The following SLC7A2 variants were observed in gnomAD, a reference collection of about 807,000 sequenced individuals.
SLC7A2 encodes cationic amino acid transporter 2.
In SLC7A2, 48 loss-of-function variants were observed where a neutral mutation model predicts 58.9. The ratio of observed to expected loss-of-function variants is 0.82; its 90% CI spans 0.65 to 1.04. The LOEUF (loss-of-function observed/expected upper bound fraction) is 1.04, where lower values mean the gene tolerates loss of function less well. Ranked by LOEUF, SLC7A2 falls within the 50% of genes least tolerant of loss-of-function variation. The pLI is 0.00. For synonymous variants in SLC7A2, 363 were observed against 314.5 expected, an observed-to-expected ratio of 1.15 and a Z score of -1.63; for missense variants, 1,029 against 818.8, an observed-to-expected ratio of 1.26 and a Z score of -3.13.
Position 17,569,126 on chromosome 8 carries a change from CAG to C in SLC7A2, c.*3981_*3982del, listed in dbSNP as rs911008060. 9 of 152,126 alleles carry C rather than the reference CAG, an allele frequency of 5.9e-5. No homozygotes were observed. The highest frequency in any genetic ancestry group is 2.1e-4 in the South Asian group (1 of 4,820). 9.4% of individuals were successfully genotyped at this position (152,126 alleles called of 1,614,324 possible). ...AGCCTTGCCTTCCCTCCTCTTAAAT[CAG>C]GGTGTGTTCCGAGATTACAGAACAT... On this transcript the variant is annotated 3_prime_UTR_variant, in exon 13 of 13. Transcript: ENST00000494857.
At chr8:17,510,934 G>A (rs768681579) in intron 2 of SLC7A2, 20 of 152,288 alleles carry the variant, frequency 1.3e-4, no homozygotes, top group African/African-American at 3.6e-4. Flanking sequence ...AAAGGAATGC[G>A]ATCATATCCT....
intron 7 of SLC7A2, 43 bp from the exon 8 acceptor site, chr8:17,554,517 G>C (rs886406116): frequency 1.3e-6 from 2 of 1,497,996 alleles, no homozygotes; most frequent in Non-Finnish European, 1.8e-6. Flanking sequence ...ATGTAATCTT[G>C]CATGAATGTT....
At chr8:17,557,017 G>A (rs1182734222) in intron 8 of SLC7A2, among the ~76,000 whole-genome samples, 2 of 152,092 alleles carry the variant, frequency 1.3e-5, no homozygotes, top group Non-Finnish European at 1.5e-5. Flanking sequence ...GGGTAGTCGT[G>A]GCCTTGCTAA....
At chr8:17,522,617 A>T (rs1388522547) in intron 2 of SLC7A2, among the ~76,000 whole-genome samples, 7 of 152,168 alleles carry the variant, frequency 4.6e-5, no homozygotes, top group Non-Finnish European at 1.0e-4. Context: ...TTAGCTGGGC[A>T]TCTACAAGAG....
chr8:17,547,785 AGTGTGT>A lies in SLC7A2; in HGVS notation c.533-860_533-855del, dbSNP rs35052068. Among the ~76,000 whole-genome samples, 1,167 of 144,794 alleles carry A rather than the reference AGTGTGT, an allele frequency of 8.1e-3. 11 individuals carry two copies. The highest frequency in any genetic ancestry group is 0.02 in the South Asian group (87 of 4,444). The allele number at this position is 144,794 out of a possible 152,430, so 95.0% of individuals were successfully genotyped here. A position where few individuals can be genotyped will look rare whatever the true frequency, so the allele number is the denominator to read the frequency against. On this transcript the variant is annotated intron_variant, in intron 4 of 12. Coordinates refer to ENST00000494857, the MANE Select transcript of SLC7A2 (RefSeq NM_001370338.1). Reference sequence around the variant, plus strand: ...GATTATATATTTACTGGCACAAAAGAGTGTGTGTGTGTGTGTGTGTGTGTGTGTGTG... The same window carrying A: ...GATTATATATTTACTGGCACAAAAGAGTGTGTGTGTGTGTGTGTGTGTGTG...
At chr8:17,513,165 A>G (rs768916974) in intron 2 of SLC7A2, among the ~76,000 whole-genome samples, 5 of 152,164 alleles carry the variant, frequency 3.3e-5, no homozygotes, top group Non-Finnish European at 7.3e-5. Flanking sequence ...TTTTTTGGTC[A>G]TATAACCAGT....
At chr8:17,496,890 G>T (rs183055781), upstream of SLC7A2, among the ~76,000 whole-genome samples, 2 of 151,940 alleles carry the variant, frequency 1.3e-5, no homozygotes, top group Non-Finnish European at 1.5e-5. Flanking sequence ...GCCCGCCCAC[G>T]TGTGCTCGGC....
chr8:17,544,241 A>C (rs1366359821), intron 3 of SLC7A2, among the ~76,000 whole-genome samples: 2 of 152,216 alleles, frequency 1.3e-5, no homozygotes, highest in Non-Finnish European at 1.5e-5. Flanking sequence ...TTAAGTTATA[A>C]TTCTTTATTG....
chr8:17,553,027 T>C (rs1211780050), intron 7 of SLC7A2, among the ~76,000 whole-genome samples: 3 of 152,186 alleles, frequency 2.0e-5, no homozygotes, highest in Non-Finnish European at 2.9e-5. Context: ...TTAGACACTC[T>C]TGGTTTCTCA....
chr8:17,502,433 A>G (rs1033573128), intron 2 of SLC7A2, 131 bp downstream of exon 2: 1 of 152,192 alleles, frequency 6.6e-6, no homozygotes, highest in Non-Finnish European at 1.5e-5. Flanking sequence ...TTAGAAGGGA[A>G]CACATTCAGT....
intron 2 of SLC7A2, among the ~76,000 whole-genome samples, chr8:17,531,731 T>C (rs1005539065): frequency 1.3e-5 from 2 of 152,158 alleles, no homozygotes; most frequent in Non-Finnish European, 2.9e-5. Flanking sequence ...TAAGGGTTTT[T>C]TTTTCTACTT....
At position 17,523,153 on chromosome 8, in the gene SLC7A2, A is replaced by T. The variant is rs1456396504; in HGVS notation, c.-22-20165A>T. On this transcript the variant is annotated intron_variant, in intron 2 of 12. Transcript: ENST00000494857. ...CACATGTATCCTGGAACATAAATTTAAAAAAAAGGAGGGAGAAAAAAGGAA... is the reference window on the plus strand; with the variant it reads ...CACATGTATCCTGGAACATAAATTTTAAAAAAAGGAGGGAGAAAAAAGGAA... Among the ~76,000 whole-genome samples, 7 of 151,560 alleles carry T rather than the reference A, an allele frequency of 4.6e-5. No homozygotes were observed. In the South Asian group the frequency reaches 6.2e-4, roughly 13 times the overall value.
intron 2 of SLC7A2, chr8:17,520,600 C>T (rs1800974919): frequency 6.9e-6 from 1 of 145,746 alleles, no homozygotes; most frequent in Non-Finnish European, 1.3e-5. Context: ...GAGATGACAC[C>T]ACTGCACTCC....
chr8:17,550,886 G>C (rs191527659), intron 6 of SLC7A2, among the ~76,000 whole-genome samples: 1 of 152,062 alleles, frequency 6.6e-6, no homozygotes, highest in Non-Finnish European at 1.5e-5. Context: ...TAATCATGCC[G>C]GAGTCACTCT....
At chr8:17,524,531 A>G (rs1486505294) in intron 2 of SLC7A2, among the ~76,000 whole-genome samples, 1 of 152,010 alleles carries the variant, frequency 6.6e-6, no homozygotes, top group Non-Finnish European at 1.5e-5. Flanking sequence ...ATTGGATACT[A>G]TCATTCTAAG....
chr8:17,509,025 G>A (rs763834478), intron 2 of SLC7A2, among the ~76,000 whole-genome samples: 40 of 152,232 alleles, frequency 2.6e-4, no homozygotes, highest in Non-Finnish European at 5.0e-4. Flanking sequence ...TAAGGCAGGC[G>A]AATGATATTA....
chr8:17,526,849 G>T (rs1012750924), intron 2 of SLC7A2, among the ~76,000 whole-genome samples: 1 of 152,114 alleles, frequency 6.6e-6, no homozygotes, highest in South Asian at 2.1e-4. Flanking sequence ...TATTACACTG[G>T]CGAATTTGGA....
chr8:17,544,131 A>G (rs535803944), intron 3 of SLC7A2, among the ~76,000 whole-genome samples: 2 of 152,254 alleles, frequency 1.3e-5, no homozygotes, highest in African/African-American at 4.8e-5. Flanking sequence ...CGGCCTCCCA[A>G]AGTGCTGGGA....
intron 8 of SLC7A2, among the ~76,000 whole-genome samples, chr8:17,556,807 C>T (rs559766785): frequency 1.2e-4 from 19 of 152,152 alleles, no homozygotes; most frequent in Admixed American, 7.2e-4. Flanking sequence ...TGGGGTTTCA[C>T]CATGTTGGCC....
Sources: gnomAD v4.1 joint callset for allele counts (sites outside exome capture counted in the v4.1 genomes callset) on GRCh38, gnomAD v4.1.1 for gene constraint, MANE v1.5 for transcripts, NCBI Gene and HGNC (gene_info 2026-07-23, HGNC 2026-07-21) for gene names.